Variants in CLTC observed in about 807,000 individuals in gnomAD.
CLTC encodes the protein clathrin heavy chain 1.
CLTC carries 16 observed loss-of-function variants against 195.8 expected under a neutral mutation model. The observed-to-expected ratio is 0.08, with a 90% CI of 0.06 to 0.12. The LOEUF is 0.12. Among genes scored for constraint, CLTC ranks in the 10% least tolerant of loss-of-function variants. The pLI is 1.00. For missense variants in CLTC, 796 were observed against 2,027.0 expected (o/e 0.39, Z 11.66); for synonymous variants, 667 against 689.4 (o/e 0.97, Z 0.51).
chr17:59,681,121 G>C lies in CLTC; in HGVS notation c.3065+64G>C. Reference sequence around the variant, plus strand: ...GTCTTTAATAAATTATGGCCCATCAGTTTTGGGAAGGAACAAAAAGATCAG... The same window carrying C: ...GTCTTTAATAAATTATGGCCCATCACTTTTGGGAAGGAACAAAAAGATCAG... On this transcript the variant is annotated intron_variant, in intron 19 of 31. Coordinates refer to ENST00000269122, the MANE Select transcript of CLTC (RefSeq NM_004859.4). The surrounding 1 kb of genome is among the most constrained non-coding windows in gnomAD (Gnocchi z 5.0). The C allele has an allele frequency of 6.4e-7, 1 of 1,556,516 alleles. No homozygotes were observed. Among genetic ancestry groups the C allele is most frequent in the Non-Finnish European group, 8.7e-7 (1 of 1,145,854 alleles).
chr17:59,620,030 C>G lies in CLTC; in HGVS notation c.-102C>G, dbSNP rs2031308648. The stretch of plus-strand genomic sequence containing the variant: ...TCCCCGGAGAGGATCCTGCTGAGCC[C>G]AGCCTCCCCCCTCCCCTTCTCCTCC... On this transcript the variant is annotated 5_prime_UTR_variant, in exon 1 of 32. Coordinates refer to ENST00000269122, the MANE Select transcript of CLTC (RefSeq NM_004859.4). The G allele has an allele frequency of 9.5e-7, 1 of 1,050,804 alleles. No individual in the cohort carries two copies. The highest frequency in any genetic ancestry group is 1.4e-6 in the Non-Finnish European group (1 of 692,110). The allele number at this position is 1,050,804 out of a possible 1,614,324, so 65.1% of individuals were successfully genotyped here.
At chr17:59,670,279 T>G (rs995974347) in intron 14 of CLTC, among the ~76,000 whole-genome samples, 43 of 13,894 alleles carry the variant, frequency 3.1e-3, no homozygotes, top group Non-Finnish European at 7.5e-3. Context: ...GGTGTTGGGT[T>G]TTTTTTTTTG....
chr17:59,620,088 C>T lies in CLTC; in HGVS notation c.-44C>T. ...TGGAGAGCCCGGGCAGCCACTGCCC[C>T]GCAGCCCCAGTGACAGGAGGAGACC... On this transcript the variant is annotated 5_prime_UTR_variant, in exon 1 of 32. Coordinates refer to ENST00000269122, the MANE Select transcript of CLTC (RefSeq NM_004859.4). 1.9e-6 allele frequency: 3 copies of T among 1,607,910 alleles called. No individual in the cohort carries two copies. The East Asian group carries it at 6.7e-5, about 36-fold the overall frequency.
rs144269102 is a variant in CLTC at position 59,693,813 on chromosome 17, G to A, written c.4989G>A (p.Pro1663=). The part of the protein sequence containing the change: ...APFGYGYTAP[P]YGQPQPGFGY... ...TTGGTTATGGTTATACCGCACCACC[G>A]TATGGACAGCCACAGCCTGGCTTTG... Residue 1663 remains proline, a synonymous_variant, in exon 32 of 32, where the codon CCG becomes CCA. Transcript: ENST00000269122. 3.1e-5 allele frequency: 50 copies of A among 1,613,046 alleles called. No homozygotes were observed. The South Asian group carries it at 3.3e-4, about 11-fold the overall frequency.
At chr17:59,637,476 C>T (rs962005937) in intron 1 of CLTC, among the ~76,000 whole-genome samples, 1 of 150,376 alleles carries the variant, frequency 6.6e-6, no homozygotes, top group Non-Finnish European at 1.5e-5. Context: ...AATCTCCTGA[C>T]CTCATGATCC....
chr17:59,657,537 C>T (rs1255605964), intron 6 of CLTC, among the ~76,000 whole-genome samples: 5 of 151,798 alleles, frequency 3.3e-5, no homozygotes, highest in East Asian at 1.9e-4. Flanking sequence ...GAGGCCGATG[C>T]GGGCAGATTG....
At chr17:59,620,449 C>G (rs1214934074) in intron 1 of CLTC, among the ~76,000 whole-genome samples, 4 of 152,078 alleles carry the variant, frequency 2.6e-5, no homozygotes, top group African/African-American at 9.7e-5. Context: ...GCCAGAACTG[C>G]GCGTACAAAC....
At chr17:59,671,803 A>G (rs868693707) in intron 14 of CLTC, among the ~76,000 whole-genome samples, 1 of 152,076 alleles carries the variant, frequency 6.6e-6, no homozygotes, top group Non-Finnish European at 1.5e-5. Flanking sequence ...CTATTCTCTC[A>G]TGACCTTCTT....
intron 1 of CLTC, among the ~76,000 whole-genome samples, chr17:59,641,050 T>G (rs1223567442): frequency 6.9e-6 from 1 of 145,514 alleles, no homozygotes. Flanking sequence ...ACTGGGGAGG[T>G]AGAGGTTGCA....
intron 2 of CLTC, among the ~76,000 whole-genome samples, chr17:59,646,747 T>G (rs1056978334): frequency 6.6e-6 from 1 of 152,246 alleles, no homozygotes; most frequent in African/African-American, 2.4e-5. Context: ...AAGCTTGCAC[T>G]TTGTTCTTAT....
chr17:59,650,941 A>G (rs760992858), intron 4 of CLTC, among the ~76,000 whole-genome samples: 1 of 152,158 alleles, frequency 6.6e-6, no homozygotes, highest in Non-Finnish European at 1.5e-5. Context: ...TAATTTTGTC[A>G]CTTTAGAAAT....
chr17:59,643,608 A>G (rs1397840419), intron 1 of CLTC, among the ~76,000 whole-genome samples: 2 of 152,118 alleles, frequency 1.3e-5, no homozygotes, highest in African/African-American at 4.8e-5. Flanking sequence ...CCTCAATCCT[A>G]TAGTGTTACA....
At chr17:59,624,645 T>G (rs2031491516) in intron 1 of CLTC, among the ~76,000 whole-genome samples, 1 of 151,780 alleles carries the variant, frequency 6.6e-6, no homozygotes, top group Non-Finnish European at 1.5e-5. Context: ...ATTTTTCCAT[T>G]TTTAGTAGAG....
intron 18 of CLTC, 175 bp downstream of exon 18, chr17:59,679,694 A>G (rs967176678): frequency 1.5e-5 from 6 of 392,056 alleles, no homozygotes; most frequent in Non-Finnish European, 2.2e-5. Flanking sequence ...TCATTTGTAT[A>G]TAATGAATGT....
rs774721817 is a variant in CLTC at position 59,696,753 on chromosome 17, C to T, written c.*2901C>T. On this transcript the variant is annotated 3_prime_UTR_variant, in exon 32 of 32. Coordinates refer to ENST00000269122, the MANE Select transcript of CLTC (RefSeq NM_004859.4). Reference sequence around the variant, plus strand: ...GTTCACTTTACAGTTACCATAAATTCTTACTTGGGCCCACCCATTTCCATC... The same window carrying T: ...GTTCACTTTACAGTTACCATAAATTTTTACTTGGGCCCACCCATTTCCATC... The T allele has an allele frequency of 2.4e-5, 5 of 206,052 alleles. No individual in the cohort carries two copies. Among genetic ancestry groups the T allele is most frequent in the Non-Finnish European group, 5.0e-5 (5 of 100,798 alleles). The allele number at this position is 206,052 out of a possible 1,614,324, so 12.8% of individuals were successfully genotyped here. A position where few individuals can be genotyped will look rare whatever the true frequency, so the allele number is the denominator to read the frequency against.
intron 6 of CLTC, 65 bp downstream of exon 6, chr17:59,656,092 C>T: frequency 7.3e-7 from 1 of 1,373,040 alleles, no homozygotes; most frequent in Non-Finnish European, 9.8e-7. Context: ...ACAATCCTGT[C>T]CTTTTGAGAA....
chr17:59,690,298 T>G, intron 30 of CLTC: 1 of 196,518 alleles, frequency 5.1e-6, no homozygotes. Context: ...CATGAATTCA[T>G]TATTACCTCT....
In CLTC at chr17:59,660,405, T is replaced by C. The variant is rs2032581874; in HGVS notation, c.984T>C (p.Cys328=). Residue 328 remains cysteine (C), a synonymous_variant, in exon 7 of 32, where the codon TGT becomes TGC. Coordinates refer to ENST00000269122, the MANE Select transcript of CLTC (RefSeq NM_004859.4). The part of the protein sequence containing the change: ...VNRKGQVLSV[C]VEEENIIPYI... Reference sequence around the variant, plus strand: ...TTAAATTGCAGGTTCTGTCAGTGTGTGTGGAAGAAGAAAACATAATTCCTT... The same window carrying C: ...TTAAATTGCAGGTTCTGTCAGTGTGCGTGGAAGAAGAAAACATAATTCCTT... The C allele has an allele frequency of 1.7e-5, 28 of 1,613,950 alleles. No individual in the cohort carries two copies. The highest frequency in any genetic ancestry group is 2.4e-5 in the Non-Finnish European group (28 of 1,179,840).
At chr17:59,631,540 C>A (rs1011065166) in intron 1 of CLTC, among the ~76,000 whole-genome samples, 3 of 152,180 alleles carry the variant, frequency 2.0e-5, no homozygotes, top group East Asian at 1.9e-4. Context: ...ACAGAAAGAC[C>A]TATGGAGATA....
Sources: allele counts gnomAD v4.1 joint callset (sites outside exome capture counted in the v4.1 genomes callset), GRCh38; gene constraint gnomAD v4.1.1; non-coding constraint Gnocchi (gnomAD v3.1); transcripts MANE v1.5; gene names NCBI Gene and HGNC (gene_info 2026-07-23, HGNC 2026-07-21).